The following SPATA16 variants were observed in gnomAD, a reference collection of about 807,000 sequenced individuals.
SPATA16 encodes spermatogenesis associated 16.
Under a neutral mutation model 63.3 loss-of-function variants are expected in SPATA16, and 36 were observed. The observed-to-expected ratio is 0.57, with a 90% CI of 0.44 to 0.75. The LOEUF (loss-of-function observed/expected upper bound fraction) is 0.75. Among genes scored for constraint, SPATA16 ranks in the 30% least tolerant of loss-of-function variants. The pLI is 0.00. For synonymous variants in SPATA16, 203 were observed against 216.7 expected, an observed-to-expected ratio of 0.94 and a Z score of 0.56; for missense variants, 646 against 679.3, an observed-to-expected ratio of 0.95 and a Z score of 0.54.
At chr3:173,016,348 G>A (rs1553793303) in intron 4 of SPATA16, among the ~76,000 whole-genome samples, 2 of 152,126 alleles carry the variant, frequency 1.3e-5, no homozygotes, top group Non-Finnish European at 2.9e-5. Context: ...GAGAGTTTGG[G>A]CTTTTTAAAT....
intron 3 of SPATA16, among the ~76,000 whole-genome samples, chr3:173,023,135 GTA>G (rs921166361): frequency 1.6e-4 from 21 of 131,496 alleles, no homozygotes; most frequent in African/African-American, 4.8e-4. Flanking sequence ...TGATGCTTGT[GTA>G]TGTGTGTGTG....
Position 173,003,606 on chromosome 3 carries a change from A to G in SPATA16, c.848+15880T>C, listed in dbSNP as rs142977427. Among the ~76,000 whole-genome samples, 124 of 152,360 alleles carry G rather than the reference A, an allele frequency of 8.1e-4. 1 individual carries two copies. The highest frequency in any genetic ancestry group is 2.9e-3 in the African/African-American group (121 of 41,588). ...AAAGATAATACACAGCAAGCATCTG[A>G]CAAAGTTTGGCATAGAGCAAAGGGT... On this transcript the variant is annotated intron_variant, in intron 4 of 10. Transcript: ENST00000351008.
chr3:172,986,775 T>G (rs1225170330), intron 4 of SPATA16, among the ~76,000 whole-genome samples: 1 of 152,164 alleles, frequency 6.6e-6, no homozygotes, highest in Non-Finnish European at 1.5e-5. Flanking sequence ...CAAGGGCAGT[T>G]CTGTGGTTGA....
At chr3:173,038,585 T>A (rs116192968) in intron 3 of SPATA16, among the ~76,000 whole-genome samples, 14 of 152,222 alleles carry the variant, frequency 9.2e-5, no homozygotes, top group Admixed American at 2.6e-4. Flanking sequence ...TCTGGAAATC[T>A]TTTTGCACGT....
chr3:173,082,915 G>A (rs1736959130), intron 2 of SPATA16, among the ~76,000 whole-genome samples: 1 of 152,050 alleles, frequency 6.6e-6, no homozygotes, highest in Non-Finnish European at 1.5e-5. Flanking sequence ...CCCCATATGG[G>A]CAAGGATCTG....
At position 173,117,612 on chromosome 3, in the gene SPATA16, G is replaced by C; in HGVS notation, c.120C>G (p.Ile40Met). The change falls in exon 2 of 11, where the codon ATC (isoleucine) becomes ATG (methionine). Residue 40 changes from isoleucine (I) to methionine (M), a missense_variant. Transcript: ENST00000351008. ...TCTTAATCTCTTGTGACATTTCCAG[G>C]ATGTTAGGTGGGTGCGCTAAGGTGG... ...KMSTLAHPPNILEMSQEIKKN... is the reference protein window; with the variant it reads ...KMSTLAHPPNMLEMSQEIKKN... The C allele has an allele frequency of 6.2e-7, 1 of 1,613,646 alleles. No individual in the cohort carries two copies. The highest frequency in any genetic ancestry group is 8.5e-7 in the Non-Finnish European group (1 of 1,179,736).
chr3:172,965,328 A>C (rs1175172544), intron 5 of SPATA16, among the ~76,000 whole-genome samples: 1 of 152,204 alleles, frequency 6.6e-6, no homozygotes, highest in Non-Finnish European at 1.5e-5. Flanking sequence ...GTCCAGCACT[A>C]AGATAGGATT....
chr3:172,983,503 A>G (rs545873815), intron 4 of SPATA16, among the ~76,000 whole-genome samples: 3 of 152,162 alleles, frequency 2.0e-5, no homozygotes, highest in Non-Finnish European at 4.4e-5. Flanking sequence ...TCTTAGAGGT[A>G]TGTGTATGAG....
At chr3:172,926,676 G>A (rs986947866) in intron 6 of SPATA16, among the ~76,000 whole-genome samples, 1 of 152,172 alleles carries the variant, frequency 6.6e-6, no homozygotes, top group Admixed American at 6.5e-5. Context: ...CCTTACAGAT[G>A]ATAAGACTGG....
At chr3:173,019,250 C>T (rs1329827685) in intron 4 of SPATA16, among the ~76,000 whole-genome samples, 1 of 152,070 alleles carries the variant, frequency 6.6e-6, no homozygotes, top group East Asian at 1.9e-4. Context: ...TTTCCATCAT[C>T]ATCAGTGACC....
Position 172,916,346 on chromosome 3 carries a change from G to T in SPATA16, c.1474C>A (p.Gln492Lys), listed in dbSNP as rs1286319413. 1.2e-6 allele frequency: 2 copies of T among 1,613,294 alleles called. No homozygotes were observed. The highest frequency in any genetic ancestry group is 4.5e-5 in the East Asian group (2 of 44,868). The change falls in exon 9 of 11, where the codon CAG becomes AAG. Residue 492 changes from glutamine to lysine, a missense_variant. Coordinates refer to ENST00000351008, the MANE Select transcript of SPATA16 (RefSeq NM_031955.6). ...TCTGCCTCCTGTTGACTGATGTCCT[G>T]TAGGTAGGGAATGGTTGCTAGCTCT... ...MAELATIPYL[Q>K]DISQQEAELL...
Position 172,889,538 on chromosome 3 carries a change from A to T in SPATA16, c.*32T>A. The T allele has an allele frequency of 6.2e-7, 1 of 1,612,876 alleles. No individual in the cohort carries two copies. The highest frequency in any genetic ancestry group is 8.5e-7 in the Non-Finnish European group (1 of 1,179,696). On this transcript the variant is annotated 3_prime_UTR_variant, in exon 11 of 11. Transcript: ENST00000351008. ...GGATGCCCTTGCCTCTTCTTCTGGG[A>T]TATCTTAGTGGTAGTGCCTGCTCCC...
chr3:173,033,807 C>T (rs573294481), intron 3 of SPATA16, among the ~76,000 whole-genome samples: 38 of 152,120 alleles, frequency 2.5e-4, no homozygotes, highest in Non-Finnish European at 1.0e-4. Flanking sequence ...CAAGTTCAAG[C>T]GATTCTCCTG....
intron 9 of SPATA16, among the ~76,000 whole-genome samples, chr3:172,914,882 T>TA (rs536870276): frequency 0.02 from 3,014 of 147,158 alleles, 28 homozygotes; most frequent in Middle Eastern, 0.056. Context: ...GTATTTCCAG[T>TA]AAAAAAAAAA....
At chr3:172,996,779 A>G (rs1734702187) in intron 4 of SPATA16, among the ~76,000 whole-genome samples, 1 of 152,034 alleles carries the variant, frequency 6.6e-6, no homozygotes. Flanking sequence ...TACTCCCTAA[A>G]AATCTCTGTC....
At chr3:172,942,709 C>A (rs896567035) in intron 6 of SPATA16, among the ~76,000 whole-genome samples, 1 of 152,022 alleles carries the variant, frequency 6.6e-6, no homozygotes, top group African/African-American at 2.4e-5. Flanking sequence ...CATTAAAAAA[C>A]CCTGCATTCC....
At chr3:173,073,651 C>T (rs1359108524) in intron 2 of SPATA16, among the ~76,000 whole-genome samples, 1 of 152,206 alleles carries the variant, frequency 6.6e-6, no homozygotes, top group Admixed American at 6.5e-5. Flanking sequence ...GATGTCCAGG[C>T]AGAAGTTTGA....
intron 1 of SPATA16, among the ~76,000 whole-genome samples, chr3:173,139,080 A>G (rs1260142915): frequency 6.6e-6 from 1 of 152,188 alleles, no homozygotes; most frequent in Non-Finnish European, 1.5e-5. Flanking sequence ...CGCAAAATGG[A>G]GTTAATTATA....
At chr3:173,061,491 A>G (rs143227139) in intron 2 of SPATA16, among the ~76,000 whole-genome samples, 173 of 152,330 alleles carry the variant, frequency 1.1e-3, no homozygotes, top group African/African-American at 4.0e-3. Context: ...GTTAATGTAT[A>G]TGGAGGGATG....
Sources: gnomAD v4.1 joint callset for allele counts (sites outside exome capture counted in the v4.1 genomes callset) on GRCh38, gnomAD v4.1.1 for gene constraint, MANE v1.5 for transcripts, NCBI Gene and HGNC (gene_info 2026-07-23, HGNC 2026-07-21) for gene names.